The following SBF2 variants were observed in gnomAD, a reference collection of about 807,000 sequenced individuals.
SBF2 encodes SET binding factor 2, also known as myotubularin-related protein 13.
Under a neutral mutation model 225.2 loss-of-function variants are expected in SBF2, and 112 were observed. That is an observed-to-expected ratio of 0.50 (90% CI 0.43 to 0.58). SBF2 has a LOEUF of 0.58. Ranked by LOEUF, SBF2 falls within the 20% of genes least tolerant of loss-of-function variation. The pLI is 0.00. For missense variants in SBF2, 1,996 were observed against 2,206.2 expected, an observed-to-expected ratio of 0.90 and a Z score of 1.91; for synonymous variants, 763 against 773.3, an observed-to-expected ratio of 0.99 and a Z score of 0.22.
intron 2 of SBF2, among the ~76,000 whole-genome samples, chr11:10,139,939 G>A (rs1161493767): frequency 2.0e-5 from 3 of 152,166 alleles, no homozygotes; most frequent in African/African-American, 7.2e-5. Flanking sequence ...ATGCTATCCG[G>A]AGACTCAGAA....
At chr11:9,833,203 C>T (rs966376123) in intron 26 of SBF2, among the ~76,000 whole-genome samples, 2 of 152,182 alleles carry the variant, frequency 1.3e-5, no homozygotes, top group African/African-American at 4.8e-5. Context: ...TAGTTAATAA[C>T]ACTACATGTT....
chr11:10,161,039 T>G (rs1383412946), intron 2 of SBF2, among the ~76,000 whole-genome samples: 1 of 151,794 alleles, frequency 6.6e-6, no homozygotes, highest in African/African-American at 2.4e-5. Context: ...ATACAAAAAT[T>G]AGCTAGGCTT....
At chr11:10,191,519 A>G (rs2403292) in intron 2 of SBF2, among the ~76,000 whole-genome samples, 33,110 of 152,160 alleles carry the variant, frequency 0.22, 4,228 homozygotes, top group Non-Finnish European at 0.3. Flanking sequence ...TCCATTATGG[A>G]AAAAGGAAAA....
At chr11:10,285,248 T>A (rs1963674102) in intron 1 of SBF2, among the ~76,000 whole-genome samples, 1 of 138,136 alleles carries the variant, frequency 7.2e-6, no homozygotes. Flanking sequence ...AGATCAAGGC[T>A]TCAGTAAACT....
chr11:9,966,894 T>G (rs1866949032), intron 14 of SBF2, among the ~76,000 whole-genome samples: 1 of 152,132 alleles, frequency 6.6e-6, no homozygotes, highest in Non-Finnish European at 1.5e-5. Context: ...GACCCAGCAA[T>G]TCCAATCCTA....
intron 2 of SBF2, among the ~76,000 whole-genome samples, chr11:10,165,847 C>G (rs1254275324): frequency 6.6e-6 from 1 of 152,270 alleles, no homozygotes; most frequent in East Asian, 1.9e-4. Context: ...TATTTTAATA[C>G]AAATTTAGCA....
chr11:10,131,737 G>A (rs969505137), intron 2 of SBF2, among the ~76,000 whole-genome samples: 11 of 152,134 alleles, frequency 7.2e-5, no homozygotes, highest in African/African-American at 1.7e-4. Flanking sequence ...CACCACGCCC[G>A]GCCAAGAGAG....
chr11:9,893,950 A>G (rs1055866832), intron 17 of SBF2, among the ~76,000 whole-genome samples: 2 of 152,170 alleles, frequency 1.3e-5, no homozygotes, highest in African/African-American at 4.8e-5. Context: ...ATAACTCCTT[A>G]TATTAAAATT....
chr11:9,849,875 T>C, intron 22 of SBF2, 148 bp downstream of exon 22: 1 of 755,136 alleles, frequency 1.3e-6, no homozygotes, highest in South Asian at 1.5e-5. Context: ...TCATTAGCTC[T>C]GTCAGACTAA....
At chr11:9,839,827 A>G (rs1855989314) in intron 25 of SBF2, 131 bp from the exon 26 acceptor site, 18 of 1,079,892 alleles carry the variant, frequency 1.7e-5, no homozygotes, top group Non-Finnish European at 2.4e-5. Flanking sequence ...AGAAATGATT[A>G]GCTCAAAGCA....
intron 8 of SBF2, among the ~76,000 whole-genome samples, chr11:9,999,319 A>AT (rs1329101254): frequency 8.3e-6 from 1 of 120,532 alleles, no homozygotes; most frequent in Non-Finnish European, 1.8e-5. Context: ...GTATGTATGT[A>AT]TGTATGTATG....
chr11:9,935,788 C>T (rs1864852948), intron 16 of SBF2, among the ~76,000 whole-genome samples: 2 of 152,124 alleles, frequency 1.3e-5, no homozygotes, highest in South Asian at 2.1e-4. Context: ...CTTCCTTACA[C>T]CTTATATAGA....
intron 2 of SBF2, among the ~76,000 whole-genome samples, chr11:10,061,581 C>G (rs1463457954): frequency 6.6e-6 from 1 of 152,060 alleles, no homozygotes; most frequent in African/African-American, 2.4e-5. Context: ...AAAGGCAACC[C>G]ATTCACAATT....
In SBF2 at chr11:9,978,711, C is replaced by T. The variant is rs916696584; in HGVS notation, c.1396-10166G>A. 3.9e-5 allele frequency among the ~76,000 whole-genome samples: 6 copies of T among 152,098 alleles called. 1 individual carries two copies. The highest frequency in any genetic ancestry group is 7.4e-5 in the Non-Finnish European group (5 of 68,016). On this transcript the variant is annotated intron_variant, in intron 13 of 39. Transcript: ENST00000256190. ...ATGCTGGAGTGTGGTGGCAGGACTT[C>T]GGCTCAATGTAGCCTCAACCTTCTG...
At chr11:9,852,849 G>A (rs1226071865) in intron 20 of SBF2, 100 bp from the exon 21 acceptor site, 5 of 939,410 alleles carry the variant, frequency 5.3e-6, no homozygotes, top group Non-Finnish European at 8.7e-6. Context: ...CAGTTTACTG[G>A]TTCCTCAAAA....
chr11:10,043,306 C>T (rs1949725694), intron 2 of SBF2, among the ~76,000 whole-genome samples: 1 of 152,100 alleles, frequency 6.6e-6, no homozygotes, highest in Non-Finnish European at 1.5e-5. Flanking sequence ...TCATGGAATA[C>T]ATTAGAAATC....
intron 26 of SBF2, among the ~76,000 whole-genome samples, chr11:9,835,830 C>T (rs1855703702): frequency 6.6e-6 from 1 of 151,908 alleles, no homozygotes; most frequent in African/African-American, 2.4e-5. Context: ...CTGTATTTCA[C>T]TGTGTGAGTA....
chr11:10,275,659 T>G (rs996088405), intron 1 of SBF2, among the ~76,000 whole-genome samples: 3 of 151,572 alleles, frequency 2.0e-5, no homozygotes, highest in Non-Finnish European at 2.9e-5. Context: ...CCTCCTCATT[T>G]CCAAGGCTGC....
intron 17 of SBF2, among the ~76,000 whole-genome samples, chr11:9,873,141 G>T (rs1264712905): frequency 6.9e-6 from 1 of 144,036 alleles, no homozygotes. Context: ...GGGAGGTGCA[G>T]GTTGCAGTGA....
Sources: allele counts gnomAD v4.1 joint callset (sites outside exome capture counted in the v4.1 genomes callset), GRCh38; gene constraint gnomAD v4.1.1; transcripts MANE v1.5; gene names NCBI Gene and HGNC (gene_info 2026-07-23, HGNC 2026-07-21).